Variants in ENOX1 observed in about 807,000 individuals in gnomAD.
The protein encoded by ENOX1 is candidate growth-related and time keeping constitutive hydroquinone (NADH) oxidase.
In ENOX1, 42 loss-of-function variants were observed where a neutral mutation model predicts 82.5. The ratio of observed to expected loss-of-function variants is 0.51; its 90% CI spans 0.40 to 0.66. The LOEUF is 0.66. Among genes scored for constraint, ENOX1 ranks in the 30% least tolerant of loss-of-function variants. The pLI, the probability that ENOX1 is intolerant of heterozygous loss-of-function variation, is 0.00. For synonymous variants in ENOX1, 271 were observed against 282.2 expected (o/e 0.96, Z 0.40); for missense variants, 608 against 811.6 (o/e 0.75, Z 3.05).
intron 2 of ENOX1, among the ~76,000 whole-genome samples, chr13:43,664,342 T>C (rs962246921): frequency 1.3e-5 from 2 of 152,204 alleles, no homozygotes; most frequent in African/African-American, 2.4e-5. Context: ...TTGTTTTCCA[T>C]GTTCAAGGCA....
chr13:43,375,865 A>G (rs574470564), intron 5 of ENOX1, among the ~76,000 whole-genome samples: 1 of 152,142 alleles, frequency 6.6e-6, no homozygotes, highest in East Asian at 1.9e-4. Context: ...ATCTTTATCT[A>G]TATTATTATT....
chr13:43,513,621 T>C (rs989852086), intron 2 of ENOX1, among the ~76,000 whole-genome samples: 1 of 152,198 alleles, frequency 6.6e-6, no homozygotes, highest in Admixed American at 6.5e-5. Flanking sequence ...AGCAACTATA[T>C]ATCTATTCCA....
Position 43,322,520 on chromosome 13 carries a change from C to T in ENOX1, c.1144-19G>A. ...GGAGCTCCTGCAAGTAGAGGATACACAAATGTCAGAGTCACAGACACATAT... is the reference window on the plus strand; with the variant it reads ...GGAGCTCCTGCAAGTAGAGGATACATAAATGTCAGAGTCACAGACACATAT... On this transcript the variant is annotated intron_variant, in intron 10 of 16. Coordinates refer to ENST00000690772, the MANE Select transcript of ENOX1 (RefSeq NM_001347969.2). 6.2e-7 allele frequency: 1 copy of T among 1,603,546 alleles called. No individual in the cohort carries two copies. The highest frequency in any genetic ancestry group is 2.2e-5 in the East Asian group (1 of 44,798).
intron 2 of ENOX1, among the ~76,000 whole-genome samples, chr13:43,602,561 T>G (rs1374167097): frequency 2.0e-5 from 3 of 152,064 alleles, no homozygotes; most frequent in Non-Finnish European, 4.4e-5. Context: ...AATAAAAATG[T>G]AGGAAAATGA....
intron 3 of ENOX1, among the ~76,000 whole-genome samples, chr13:43,427,492 T>C (rs1427040550): frequency 6.6e-6 from 1 of 152,194 alleles, no homozygotes; most frequent in Non-Finnish European, 1.5e-5. Flanking sequence ...GAACTCCAAC[T>C]TTCTCCCACA....
chr13:43,755,669 G>A (rs913724739), intron 1 of ENOX1, among the ~76,000 whole-genome samples: 2 of 152,016 alleles, frequency 1.3e-5, no homozygotes, highest in Non-Finnish European at 2.9e-5. Context: ...CTAACATCTG[G>A]TACATATCCT....
intron 9 of ENOX1, among the ~76,000 whole-genome samples, chr13:43,330,619 T>C (rs2153533715): frequency 6.6e-6 from 1 of 152,298 alleles, no homozygotes; most frequent in Non-Finnish European, 1.5e-5. Flanking sequence ...TATTTGAGGA[T>C]CATAAGAAAA....
In ENOX1 at chr13:43,326,423, G is replaced by A; in HGVS notation, c.1139C>T (p.Ser380Phe). The change falls in exon 10 of 17, where the codon TCT becomes TTT. Residue 380 changes from serine (S) to phenylalanine (F), a missense_variant. By Grantham distance (155) the Ser-to-Phe change is radical. Coordinates refer to ENST00000690772, the MANE Select transcript of ENOX1 (RefSeq NM_001347969.2). ...AGTAATAATAAAATCACCAACCTCAGAATGCTTTCGCCAAATGTCTATGTT... is the reference window on the plus strand; with the variant it reads ...AGTAATAATAAAATCACCAACCTCAAAATGCTTTCGCCAAATGTCTATGTT... ...RKNIDIWRKH[S>F]EELRNAQSEQ... The A allele has an allele frequency of 6.2e-7, 1 of 1,613,754 alleles. No homozygotes were observed. The highest frequency in any genetic ancestry group is 8.5e-7 in the Non-Finnish European group (1 of 1,179,656).
intron 1 of ENOX1, among the ~76,000 whole-genome samples, chr13:43,699,890 T>C (rs2086823156): frequency 6.6e-6 from 1 of 152,242 alleles, no homozygotes; most frequent in Non-Finnish European, 1.5e-5. Context: ...TGTGTATGCA[T>C]GTATAACACA....
chr13:43,546,731 T>C (rs1312532875), intron 2 of ENOX1: 2 of 152,154 alleles, frequency 1.3e-5, no homozygotes, highest in Non-Finnish European at 2.9e-5. Flanking sequence ...AAACCAATCA[T>C]TAAAATATGT....
chr13:43,516,017 C>T (rs2077546988), intron 2 of ENOX1, among the ~76,000 whole-genome samples: 1 of 152,122 alleles, frequency 6.6e-6, no homozygotes, highest in Non-Finnish European at 1.5e-5. Flanking sequence ...GCCTATTTTC[C>T]ACAGGAAACT....
intron 1 of ENOX1, among the ~76,000 whole-genome samples, chr13:43,732,650 T>C (rs2089412900): frequency 6.6e-6 from 1 of 152,160 alleles, no homozygotes; most frequent in Non-Finnish European, 1.5e-5. Flanking sequence ...CGTCAAAGAA[T>C]AGTAAGATAT....
chr13:43,543,543 C>T (rs113058663), intron 2 of ENOX1, among the ~76,000 whole-genome samples: 1,541 of 151,574 alleles, frequency 0.01, 31 homozygotes, highest in African/African-American at 0.035. Context: ...AGGTTCCCTG[C>T]CCCTGCTTCC....
chr13:43,589,216 GAAAAAAA>G (rs58912569), intron 2 of ENOX1, among the ~76,000 whole-genome samples: 6 of 79,772 alleles, frequency 7.5e-5, no homozygotes, highest in Admixed American at 3.1e-4. Flanking sequence ...GACATTAATG[GAAAAAAA>G]AAAAAAAAAA....
intron 1 of ENOX1, among the ~76,000 whole-genome samples, chr13:43,670,094 C>G (rs2085184731): frequency 6.6e-6 from 1 of 152,122 alleles, no homozygotes. Flanking sequence ...AGATAAATGA[C>G]AAGGCAGGAA....
intron 12 of ENOX1, among the ~76,000 whole-genome samples, chr13:43,282,608 G>T: frequency 6.6e-6 from 1 of 151,636 alleles, no homozygotes; most frequent in Non-Finnish European, 1.5e-5. Flanking sequence ...ATTTTTTATA[G>T]AGACAGAGTT....
intron 5 of ENOX1, among the ~76,000 whole-genome samples, chr13:43,379,943 T>C (rs558038819): frequency 1.3e-5 from 2 of 151,862 alleles, no homozygotes; most frequent in East Asian, 3.9e-4. Flanking sequence ...ACAGAGGAAC[T>C]AAGATAAAAA....
chr13:43,354,449 C>T (rs2050013694), intron 8 of ENOX1, among the ~76,000 whole-genome samples: 1 of 151,090 alleles, frequency 6.6e-6, no homozygotes, highest in South Asian at 2.1e-4. Flanking sequence ...AGATTGGAAG[C>T]ACAGCACCCC....
At chr13:43,400,523 C>T (rs2053435681) in intron 5 of ENOX1, among the ~76,000 whole-genome samples, 1 of 152,150 alleles carries the variant, frequency 6.6e-6, no homozygotes, top group African/African-American at 2.4e-5. Flanking sequence ...TATATTCTCT[C>T]CCATACTGAT....
Sources: allele counts gnomAD v4.1 joint callset (sites outside exome capture counted in the v4.1 genomes callset), GRCh38; gene constraint gnomAD v4.1.1; transcripts MANE v1.5; gene names NCBI Gene and HGNC (gene_info 2026-07-23, HGNC 2026-07-21).